The following MBNL2 variants were observed in gnomAD, a reference collection of about 807,000 sequenced individuals.
The protein encoded by MBNL2 is muscleblind-like protein 2.
In MBNL2, 17 loss-of-function variants were observed where a neutral mutation model predicts 41.9. That is an observed-to-expected ratio of 0.41 (90% CI 0.28 to 0.61). The LOEUF (loss-of-function observed/expected upper bound fraction) is 0.61, where lower values mean the gene tolerates loss of function less well. Among genes scored for constraint, MBNL2 ranks in the 20% least tolerant of loss-of-function variants. The pLI, the probability that MBNL2 is intolerant of heterozygous loss-of-function variation, is 0.35. For missense variants in MBNL2, 336 were observed against 505.6 expected (o/e 0.66, Z 3.22); for synonymous variants, 195 against 182.9 (o/e 1.07, Z -0.53).
rs2050218565 is a variant in MBNL2 at position 97,268,189 on chromosome 13, G to A, written c.-604-7443G>A. Among the ~76,000 whole-genome samples the A allele has an allele frequency of 6.6e-6, 1 of 152,140 alleles. No homozygotes were observed. The highest frequency in any genetic ancestry group is 1.5e-5 in the Non-Finnish European group (1 of 68,032). On this transcript the variant is annotated intron_variant, in intron 1 of 8. Transcript: ENST00000679496. The surrounding 1 kb of genome is among the most constrained non-coding windows in gnomAD (Gnocchi z 4.6). Reference sequence around the variant, plus strand: ...GGCTCACTGCAACCTCTGCCTCCTGGGTTCAAGTGATTCTCATGTCTCAGC... The same window carrying A: ...GGCTCACTGCAACCTCTGCCTCCTGAGTTCAAGTGATTCTCATGTCTCAGC...
At chr13:97,319,567 C>T (rs1284324347) in intron 2 of MBNL2, among the ~76,000 whole-genome samples, 2 of 152,168 alleles carry the variant, frequency 1.3e-5, no homozygotes, top group African/African-American at 4.8e-5. Flanking sequence ...TCTGCCAATG[C>T]ACATCTATCT....
intron 3 of MBNL2, among the ~76,000 whole-genome samples, chr13:97,341,501 T>G (rs145946490): frequency 1.1e-3 from 168 of 152,302 alleles, no homozygotes; most frequent in African/African-American, 3.9e-3. Flanking sequence ...CATATAAACA[T>G]TTGTTGACAG....
At chr13:97,153,798 A>G in the MBNL2 span, among the ~76,000 whole-genome samples, 146 of 152,296 alleles carry the variant, frequency 9.6e-4, no homozygotes, top group Admixed American at 3.4e-3. Context: ...CTACTTGACC[A>G]TGTCTACTTT....
chr13:97,389,459 T>G (rs1258160578), intron 8 of MBNL2, among the ~76,000 whole-genome samples: 1 of 152,148 alleles, frequency 6.6e-6, no homozygotes, highest in African/African-American at 2.4e-5. Context: ...ATCCAGCACT[T>G]TGGGAGTCTG....
the MBNL2 span, among the ~76,000 whole-genome samples, chr13:97,170,627 C>A: frequency 1.3e-5 from 2 of 152,036 alleles, no homozygotes; most frequent in Admixed American, 1.3e-4. Context: ...CACTCAGTTG[C>A]TTCTGGGTGG....
intron 8 of MBNL2, among the ~76,000 whole-genome samples, chr13:97,391,059 C>T (rs895650333): frequency 2.0e-5 from 3 of 152,122 alleles, no homozygotes; most frequent in African/African-American, 7.2e-5. Context: ...ATGCATGCCT[C>T]TCTATATGCT....
At chr13:97,322,227 G>A (rs2059563282) in intron 2 of MBNL2, among the ~76,000 whole-genome samples, 1 of 152,090 alleles carries the variant, frequency 6.6e-6, no homozygotes, top group African/African-American at 2.4e-5. Context: ...CCCAGCCGGT[G>A]CATAAATGCC....
At chr13:97,176,680 T>C in the MBNL2 span, among the ~76,000 whole-genome samples, 1 of 152,218 alleles carries the variant, frequency 6.6e-6, no homozygotes. Context: ...TTCTAAAGAA[T>C]GCAAGTCTCA....
At chr13:97,360,242 A>G (rs1359740379) in intron 7 of MBNL2, among the ~76,000 whole-genome samples, 1 of 152,194 alleles carries the variant, frequency 6.6e-6, no homozygotes, top group African/African-American at 2.4e-5. Flanking sequence ...ATATGATACT[A>G]AAATTCTCCC....
intron 2 of MBNL2, among the ~76,000 whole-genome samples, chr13:97,300,445 A>G (rs376715790): frequency 6.6e-6 from 1 of 152,188 alleles, no homozygotes; most frequent in Non-Finnish European, 1.5e-5. Context: ...ATCATCAGGC[A>G]TTAGAGTCTC....
At chr13:97,203,391 A>T in the MBNL2 span, among the ~76,000 whole-genome samples, 2 of 152,284 alleles carry the variant, frequency 1.3e-5, no homozygotes, top group African/African-American at 4.8e-5. Context: ...GACTCTGTAC[A>T]CCACCTGCAG....
the MBNL2 span, among the ~76,000 whole-genome samples, chr13:97,144,176 G>C: frequency 6.6e-6 from 1 of 151,822 alleles, no homozygotes. Context: ...GGTGCCACGT[G>C]GAGTGGGAAA....
At chr13:97,272,667 TAAAGAC>T (rs2051300836) in intron 1 of MBNL2, among the ~76,000 whole-genome samples, 1 of 152,198 alleles carries the variant, frequency 6.6e-6, no homozygotes, top group Non-Finnish European at 1.5e-5. Context: ...AAGTTTATCT[TAAAGAC>T]AAATAGGGTG....
At chr13:97,225,110 T>G (rs181565547) in intron 1 of MBNL2, among the ~76,000 whole-genome samples, 60 of 152,358 alleles carry the variant, frequency 3.9e-4, no homozygotes, top group African/African-American at 1.4e-3. Context: ...TTGTTTCAAT[T>G]TGCTGTTGCT....
chr13:97,237,622 T>C (rs1229099407), intron 1 of MBNL2, among the ~76,000 whole-genome samples: 1 of 152,208 alleles, frequency 6.6e-6, no homozygotes, highest in African/African-American at 2.4e-5. Context: ...CCTTGAAGGA[T>C]AGATAAAATC....
At chr13:97,385,726 C>T (rs1243785998) in intron 8 of MBNL2, among the ~76,000 whole-genome samples, 1 of 152,162 alleles carries the variant, frequency 6.6e-6, no homozygotes, top group Non-Finnish European at 1.5e-5. Flanking sequence ...TCCTGGAGAT[C>T]AACCTCAAGG....
At chr13:97,246,900 A>G (rs749921196) in intron 1 of MBNL2, among the ~76,000 whole-genome samples, 5 of 152,226 alleles carry the variant, frequency 3.3e-5, no homozygotes, top group Non-Finnish European at 7.3e-5. Flanking sequence ...TAAATAGCAC[A>G]AAGGCAATCA....
the MBNL2 span, among the ~76,000 whole-genome samples, chr13:97,167,389 T>TA: frequency 1.7e-3 from 240 of 144,696 alleles, no homozygotes; most frequent in South Asian, 5.3e-3. Flanking sequence ...ATGCTTTATG[T>TA]AAAAAAAAAA....
chr13:97,388,803 G>GA (rs1180490424), intron 8 of MBNL2, among the ~76,000 whole-genome samples: 2 of 151,392 alleles, frequency 1.3e-5, no homozygotes, highest in South Asian at 2.1e-4. Flanking sequence ...TATTTCTCAG[G>GA]AAAAAAAAAT....
Sources: allele counts gnomAD v4.1 joint callset (sites outside exome capture counted in the v4.1 genomes callset), GRCh38; gene constraint gnomAD v4.1.1; non-coding constraint Gnocchi (gnomAD v3.1); transcripts MANE v1.5; gene names NCBI Gene and HGNC (gene_info 2026-07-23, HGNC 2026-07-21).